CNTNAP5: variants seen among roughly 807,000 people sequenced by gnomAD.
The protein encoded by CNTNAP5 is contactin associated protein family member 5.
CNTNAP5 carries 72 observed loss-of-function variants against 150.2 expected under a neutral mutation model. The ratio of observed to expected loss-of-function variants is 0.48; its 90% confidence interval spans 0.40 to 0.58. The LOEUF (loss-of-function observed/expected upper bound fraction) is 0.58, where lower values mean the gene tolerates loss of function less well. CNTNAP5 is among the 20% of genes least tolerant of loss of function. CNTNAP5 has a pLI of 0.00. For missense variants in CNTNAP5, 1,636 were observed against 1,626.2 expected (o/e 1.01, Z -0.10); for synonymous variants, 672 against 619.8 (o/e 1.08, Z -1.25).
intron 14 of CNTNAP5, among the ~76,000 whole-genome samples, chr2:124,760,985 A>G (rs1404047543): frequency 1.3e-5 from 2 of 152,146 alleles, no homozygotes; most frequent in Non-Finnish European, 2.9e-5. Context: ...GATTCAACTC[A>G]TGTCGTCTGA....
chr2:124,343,084 A>G (rs1358739593), intron 3 of CNTNAP5, among the ~76,000 whole-genome samples: 1 of 152,334 alleles, frequency 6.6e-6, no homozygotes, highest in East Asian at 1.9e-4. Flanking sequence ...AACATAAAGC[A>G]GTTAGTTGTG....
chr2:124,483,754 A>G (rs1276050328), intron 7 of CNTNAP5, among the ~76,000 whole-genome samples: 1 of 152,230 alleles, frequency 6.6e-6, no homozygotes, highest in African/African-American at 2.4e-5. Context: ...TACTGTGTTT[A>G]CAGCAAATGA....
At chr2:124,041,526 T>G (rs918120034) in intron 1 of CNTNAP5, among the ~76,000 whole-genome samples, 3 of 152,194 alleles carry the variant, frequency 2.0e-5, no homozygotes, top group Non-Finnish European at 2.9e-5. Flanking sequence ...ATACACTTAC[T>G]GTCAATTAGT....
At chr2:124,086,677 A>G (rs1682700492) in intron 1 of CNTNAP5, among the ~76,000 whole-genome samples, 1 of 151,202 alleles carries the variant, frequency 6.6e-6, no homozygotes, top group South Asian at 2.1e-4. Flanking sequence ...ATCTTTTTCC[A>G]TCCTCTTAAT....
At chr2:124,437,207 A>G (rs1692553413) in intron 5 of CNTNAP5, among the ~76,000 whole-genome samples, 1 of 152,142 alleles carries the variant, frequency 6.6e-6, no homozygotes, top group Admixed American at 6.5e-5. Flanking sequence ...TACATTAGGA[A>G]CAGGGTTTTC....
At chr2:124,670,133 T>TTTCATTCC (rs1553429560) in intron 13 of CNTNAP5, among the ~76,000 whole-genome samples, 1 of 112,510 alleles carries the variant, frequency 8.9e-6, no homozygotes, top group African/African-American at 3.3e-5. Context: ...TCCTTCCTTC[T>TTTCATTCC]TTCCTTCCTT....
chr2:124,072,577 C>A (rs765450400), intron 1 of CNTNAP5, among the ~76,000 whole-genome samples: 1 of 151,628 alleles, frequency 6.6e-6, no homozygotes, highest in Non-Finnish European at 1.5e-5. Context: ...TTTCTATATG[C>A]CAGCACGGAA....
intron 3 of CNTNAP5, among the ~76,000 whole-genome samples, chr2:124,288,512 C>A (rs151070181): frequency 1.3e-3 from 191 of 152,218 alleles, no homozygotes; most frequent in African/African-American, 4.3e-3. Context: ...TTGTTTGCTT[C>A]CTCTATAAAT....
chr2:124,765,100 G>A (rs1480188417), intron 16 of CNTNAP5, among the ~76,000 whole-genome samples: 1 of 151,800 alleles, frequency 6.6e-6, no homozygotes, highest in African/African-American at 2.4e-5. Flanking sequence ...AAATAGATAA[G>A]GTTTTAAACT....
At chr2:124,526,355 T>A (rs1038813061) in intron 9 of CNTNAP5, among the ~76,000 whole-genome samples, 3 of 152,184 alleles carry the variant, frequency 2.0e-5, no homozygotes, top group Non-Finnish European at 2.9e-5. Flanking sequence ...TCTCTCTTCA[T>A]TTTACAGTGT....
chr2:124,227,779 G>T (rs536976357), intron 2 of CNTNAP5, among the ~76,000 whole-genome samples: 2 of 151,384 alleles, frequency 1.3e-5, no homozygotes, highest in Non-Finnish European at 2.9e-5. Flanking sequence ...AGGGTGGGGG[G>T]AGGCGGAAGA....
chr2:124,880,054 T>C lies in CNTNAP5; in HGVS notation c.3436+10292T>C, dbSNP rs192027148. 1.9e-4 allele frequency among the ~76,000 whole-genome samples: 29 copies of C among 152,248 alleles called. No individual in the cohort carries two copies. In the East Asian group the frequency reaches 5.2e-3, roughly 27 times the overall value. On this transcript the variant is annotated intron_variant, in intron 21 of 23. Transcript: ENST00000682447. ...AGAGGGAATTGAGGCTCGAGGAGTG[T>C]TGTGTGGCCACTGGTTACTCATTTA... is the stretch of plus-strand genomic sequence containing the variant.
intron 13 of CNTNAP5, among the ~76,000 whole-genome samples, chr2:124,729,770 C>T (rs1573578255): frequency 6.6e-6 from 1 of 152,052 alleles, no homozygotes; most frequent in Non-Finnish European, 1.5e-5. Flanking sequence ...GAGATATTTT[C>T]TCTATAACCA....
intron 3 of CNTNAP5, among the ~76,000 whole-genome samples, chr2:124,297,670 A>C (rs1295114894): frequency 1.3e-5 from 2 of 151,914 alleles, no homozygotes; most frequent in African/African-American, 2.4e-5. Flanking sequence ...TCCTCTGTGC[A>C]TATAGTCTGC....
intron 3 of CNTNAP5, among the ~76,000 whole-genome samples, chr2:124,369,320 G>A (rs1351395370): frequency 6.6e-6 from 1 of 152,216 alleles, no homozygotes; most frequent in Non-Finnish European, 1.5e-5. Flanking sequence ...GGAGACTATA[G>A]ATCTAATTAC....
Position 124,763,954 on chromosome 2 carries a change from T to A in CNTNAP5, c.2363-23T>A, listed in dbSNP as rs202194494. 79 of 1,607,508 alleles carry A rather than the reference T, an allele frequency of 4.9e-5. No homozygotes were observed. The East Asian group carries it at 1.8e-3, about 36-fold the overall frequency. ...ACCCCACTGAAAACGATAAACCATG[T>A]TGAAGGATTTTCTCATTTGCAGGAC... On this transcript the variant is annotated intron_variant, in intron 15 of 23. Transcript: ENST00000682447.
chr2:124,060,479 G>T (rs1375686129), intron 1 of CNTNAP5, among the ~76,000 whole-genome samples: 3 of 152,312 alleles, frequency 2.0e-5, no homozygotes, highest in African/African-American at 7.2e-5. Context: ...TTACGGAAAA[G>T]TCCCAGCAGA....
chr2:124,291,570 A>G (rs17011352), intron 3 of CNTNAP5, among the ~76,000 whole-genome samples: 2,061 of 151,920 alleles, frequency 0.014, 51 homozygotes, highest in African/African-American at 0.047. Flanking sequence ...GCGTAGACCT[A>G]TGATTTAATC....
intron 19 of CNTNAP5, 106 bp downstream of exon 19, chr2:124,798,426 G>A: frequency 1.3e-6 from 1 of 774,076 alleles, no homozygotes; most frequent in South Asian, 1.7e-5. Flanking sequence ...GGTCCCATCT[G>A]GGAAGCTTAT....
Sources: allele counts gnomAD v4.1 joint callset (sites outside exome capture counted in the v4.1 genomes callset), GRCh38; gene constraint gnomAD v4.1.1; transcripts MANE v1.5; gene names NCBI Gene and HGNC (gene_info 2026-07-23, HGNC 2026-07-21).